ZNF277: variants seen among roughly 807,000 people sequenced by gnomAD.
ZNF277 encodes nuclear receptor-interacting factor 4.
ZNF277 carries 55 observed loss-of-function variants against 60.7 expected under a neutral mutation model. The observed-to-expected ratio is 0.91, with a 90% confidence interval of 0.73 to 1.13. The LOEUF (loss-of-function observed/expected upper bound fraction) is 1.13. Among genes scored for constraint, ZNF277 ranks in the 50% most tolerant of loss-of-function variants. The pLI is 0.00. For missense variants in ZNF277, 510 were observed against 523.0 expected (o/e 0.98, Z 0.24); for synonymous variants, 178 against 179.3 (o/e 0.99, Z 0.06).
chr7:112,296,118 C>T, intron 3 of ZNF277, 111 bp from the exon 4 acceptor site: 1 of 986,436 alleles, frequency 1.0e-6, no homozygotes, highest in South Asian at 1.4e-5. Flanking sequence ...CAGTTCTATG[C>T]CAAAGAGATC....
intron 1 of ZNF277, among the ~76,000 whole-genome samples, chr7:112,278,880 C>T (rs1304908994): frequency 6.6e-6 from 1 of 152,168 alleles, no homozygotes; most frequent in Non-Finnish European, 1.5e-5. Context: ...ATTCCATACT[C>T]ATTAAACAGT....
intron 1 of ZNF277, among the ~76,000 whole-genome samples, chr7:112,269,854 C>A (rs950409193): frequency 1.3e-5 from 2 of 151,952 alleles, no homozygotes; most frequent in African/African-American, 4.8e-5. Context: ...TTTGTCTGTC[C>A]CAGTGTATTA....
intron 1 of ZNF277, among the ~76,000 whole-genome samples, chr7:112,213,646 C>T (rs1010340385): frequency 3.3e-5 from 5 of 152,188 alleles, no homozygotes; most frequent in African/African-American, 1.2e-4. Context: ...AAAAGAGTAG[C>T]TTGCCCAAAG....
chr7:112,278,884 A>G (rs1020798168), intron 1 of ZNF277, among the ~76,000 whole-genome samples: 9 of 152,162 alleles, frequency 5.9e-5, no homozygotes, highest in African/African-American at 2.2e-4. Context: ...CATACTCATT[A>G]AACAGTAATT....
rs952040383 is a variant in ZNF277, at chr7:112,320,250, A to G, written c.557+1977A>G. ...AACTTATCTGCATTCTGTATTGAGTAGGGTCACATAGGAATTACATGACCT... is the reference window on the plus strand; with the variant it reads ...AACTTATCTGCATTCTGTATTGAGTGGGGTCACATAGGAATTACATGACCT... On this transcript the variant is annotated intron_variant, in intron 5 of 11. Transcript: ENST00000361822. Among the ~76,000 whole-genome samples, 3 of 152,258 alleles carry G rather than the reference A, an allele frequency of 2.0e-5. No homozygotes were observed. In the East Asian group the frequency reaches 5.8e-4, roughly 29 times the overall value.
chr7:112,257,461 C>A (rs1791342949), intron 1 of ZNF277, among the ~76,000 whole-genome samples: 1 of 152,108 alleles, frequency 6.6e-6, no homozygotes, highest in South Asian at 2.1e-4. Context: ...GAAGTCAGGT[C>A]ATGAACTCAG....
intron 1 of ZNF277, among the ~76,000 whole-genome samples, chr7:112,242,471 G>A (rs192500070): frequency 1.1e-4 from 17 of 148,964 alleles, no homozygotes; most frequent in East Asian, 2.0e-4. Flanking sequence ...GTTAAGTAAC[G>A]TACAAAAATT....
chr7:112,234,722 A>G (rs946451943), intron 1 of ZNF277, among the ~76,000 whole-genome samples: 20 of 151,974 alleles, frequency 1.3e-4, no homozygotes, highest in African/African-American at 4.6e-4. Context: ...GATATCCTAC[A>G]TGACTATTAT....
intron 2 of ZNF277, among the ~76,000 whole-genome samples, chr7:112,291,545 A>T (rs1792206435): frequency 6.6e-6 from 1 of 152,194 alleles, no homozygotes; most frequent in African/African-American, 2.4e-5. Flanking sequence ...TGTAGCTTTC[A>T]GTAAACTAGA....
At chr7:112,332,945 T>C (rs948516593) in intron 7 of ZNF277, among the ~76,000 whole-genome samples, 2 of 152,124 alleles carry the variant, frequency 1.3e-5, no homozygotes, top group African/African-American at 2.4e-5. Context: ...AGTATAATAT[T>C]ATATAGAACA....
intron 1 of ZNF277, among the ~76,000 whole-genome samples, chr7:112,283,527 T>A (rs185288137): frequency 1.3e-5 from 2 of 152,180 alleles, no homozygotes; most frequent in Admixed American, 6.5e-5. Context: ...TGTTACATAC[T>A]AACTCAAGCC....
intron 4 of ZNF277, among the ~76,000 whole-genome samples, chr7:112,310,476 A>AGG (rs1392177006): frequency 7.3e-6 from 1 of 137,524 alleles, no homozygotes; most frequent in African/African-American, 2.9e-5. Flanking sequence ...AGAGAGAGAG[A>AGG]GAGTGTGTGT....
intron 1 of ZNF277, among the ~76,000 whole-genome samples, chr7:112,272,005 C>A (rs1202973409): frequency 6.6e-6 from 1 of 152,092 alleles, no homozygotes; most frequent in Non-Finnish European, 1.5e-5. Context: ...ACAGTATCAT[C>A]ACTTTGTTGT....
At chr7:112,225,199 A>T (rs1822144213) in intron 1 of ZNF277, among the ~76,000 whole-genome samples, 1 of 152,202 alleles carries the variant, frequency 6.6e-6, no homozygotes, top group African/African-American at 2.4e-5. Flanking sequence ...ATGCAGAGCC[A>T]TTGGCTTGAG....
chr7:112,298,002 G>A (rs1324721860), intron 4 of ZNF277, among the ~76,000 whole-genome samples: 1 of 152,090 alleles, frequency 6.6e-6, no homozygotes, highest in Non-Finnish European at 1.5e-5. Flanking sequence ...TACATTTAAT[G>A]GAAGTGAGCA....
intron 1 of ZNF277, among the ~76,000 whole-genome samples, chr7:112,264,070 G>T (rs911725412): frequency 1.3e-5 from 2 of 152,076 alleles, no homozygotes; most frequent in Non-Finnish European, 2.9e-5. Flanking sequence ...CAAAGCAAAG[G>T]TTGACATTGA....
In ZNF277 at chr7:112,243,912, A is replaced by G. The variant is rs543590659; in HGVS notation, c.91+37105A>G. The stretch of plus-strand genomic sequence containing the variant: ...TTGGAATAAACCTACGCGTCCATCA[A>G]TGGATGATTGGATAAAGAAAATATA... On this transcript the variant is annotated intron_variant, in intron 1 of 11. Transcript: ENST00000361822. Among the ~76,000 whole-genome samples, 4 of 152,130 alleles carry G rather than the reference A, an allele frequency of 2.6e-5. No homozygotes were observed. In the South Asian group the frequency reaches 8.3e-4, roughly 31 times the overall value.
chr7:112,218,065 G>C (rs1821932489), intron 1 of ZNF277, among the ~76,000 whole-genome samples: 1 of 152,160 alleles, frequency 6.6e-6, no homozygotes, highest in African/African-American at 2.4e-5. Flanking sequence ...AGATTGATTT[G>C]AGTAATAATA....
In ZNF277 at chr7:112,246,106, G is replaced by A. The variant is rs141275654; in HGVS notation, c.91+39299G>A. Among the ~76,000 whole-genome samples the A allele has an allele frequency of 8.5e-4, 129 of 152,188 alleles. 3 individuals are homozygous for A. The Middle Eastern group carries it at 0.014, about 16-fold the overall frequency. ...CTACATTGGTATAAAAGGTAAGGCC[G>A]AGTACAGTGGCTCATACCTGTAATC... On this transcript the variant is annotated intron_variant, in intron 1 of 11. Transcript: ENST00000361822.
Sources: allele counts gnomAD v4.1 joint callset (sites outside exome capture counted in the v4.1 genomes callset), GRCh38; gene constraint gnomAD v4.1.1; transcripts MANE v1.5; gene names NCBI Gene and HGNC (gene_info 2026-07-23, HGNC 2026-07-21).